ZBBX: variants seen among roughly 807,000 people sequenced by gnomAD.
The protein encoded by ZBBX is zinc finger B-box domain-containing protein 1.
In ZBBX, 101 loss-of-function variants were observed where a neutral mutation model predicts 108.5. The observed-to-expected ratio is 0.93, with a 90% CI of 0.79 to 1.10. The LOEUF (loss-of-function observed/expected upper bound fraction) is 1.10. Among genes scored for constraint, ZBBX ranks in the 50% least tolerant of loss-of-function variants. The probability of loss-of-function intolerance (pLI) is 0.00; values close to 1 mark genes in which losing one functional copy is unlikely to be tolerated. For missense variants in ZBBX, 1,009 were observed against 941.4 expected (o/e 1.07, Z -0.94); for synonymous variants, 356 against 323.4 (o/e 1.10, Z -1.08).
intron 14 of ZBBX, 85 bp from the exon 15 acceptor site, chr3:167,315,914 A>T (rs1735373899): frequency 1.3e-6 from 1 of 781,282 alleles, no homozygotes; most frequent in South Asian, 2.1e-5. Context: ...TGATATTTGG[A>T]GTACATTTTT....
the ZBBX span, among the ~76,000 whole-genome samples, chr3:167,224,786 G>A: frequency 6.6e-6 from 1 of 151,766 alleles, no homozygotes; most frequent in Non-Finnish European, 1.5e-5. Flanking sequence ...TCTTGCAAAT[G>A]GCAGTACTAT....
chr3:167,379,354 T>C (rs1024950353), intron 2 of ZBBX, among the ~76,000 whole-genome samples: 7 of 152,174 alleles, frequency 4.6e-5, no homozygotes, highest in African/African-American at 1.7e-4. Context: ...ATAAAATAAT[T>C]GCAAGAATTA....
chr3:167,265,197 C>T lies in ZBBX; in HGVS notation c.2254+17041G>A, dbSNP rs149386422. 5.3e-4 allele frequency among the ~76,000 whole-genome samples: 80 copies of T among 152,254 alleles called. No homozygotes were observed. The East Asian group carries it at 0.014, about 26-fold the overall frequency. On this transcript the variant is annotated intron_variant, in intron 20 of 21. Transcript: ENST00000675490. ...ACAGCTGAGAATGTGCTGGGTCTCC[C>T]CTGAAGCCAGCACATCTTAGAGTCC... is the stretch of plus-strand genomic sequence containing the variant.
chr3:167,260,459 A>G (rs1724282864), intron 20 of ZBBX, among the ~76,000 whole-genome samples: 3 of 152,162 alleles, frequency 2.0e-5, no homozygotes, highest in African/African-American at 7.2e-5. Flanking sequence ...CTTCCTCAGA[A>G]CACCAATTAT....
chr3:167,358,249 G>A (rs1296800329), intron 8 of ZBBX, among the ~76,000 whole-genome samples: 1 of 151,622 alleles, frequency 6.6e-6, no homozygotes. Flanking sequence ...AAGCCTTGAG[G>A]ATACTATGCT....
In ZBBX at chr3:167,282,226, A is replaced by T. The variant is rs1276282021; in HGVS notation, c.2254+12T>A. On this transcript the variant is annotated intron_variant, in intron 20 of 21. Transcript: ENST00000675490. ...TTAGCATTATCTAAAGTGAAAAAAA[A>T]AATAGGATTACCTGCAAGAGATCTC... 1.3e-6 allele frequency: 2 copies of T among 1,593,292 alleles called. No homozygotes were observed. Among genetic ancestry groups the T allele is most frequent in the East Asian group, 2.2e-5 (1 of 44,704 alleles).
intron 6 of ZBBX, among the ~76,000 whole-genome samples, chr3:167,361,544 T>C (rs907267983): frequency 6.6e-6 from 1 of 152,156 alleles, no homozygotes; most frequent in East Asian, 1.9e-4. Context: ...TCTATATCTA[T>C]GGCTGTAGCA....
chr3:167,369,322 C>A (rs183634592), intron 4 of ZBBX, among the ~76,000 whole-genome samples: 12 of 152,310 alleles, frequency 7.9e-5, no homozygotes, highest in Non-Finnish European at 1.6e-4. Flanking sequence ...TTACTACAAT[C>A]AAGCAGTGTG....
the ZBBX span, among the ~76,000 whole-genome samples, chr3:167,181,438 A>T: frequency 1.3e-5 from 2 of 152,320 alleles, no homozygotes; most frequent in South Asian, 2.1e-4. Flanking sequence ...ACTAACTCCA[A>T]CTATGTTAAA....
At chr3:167,288,671 C>T (rs1339259779) in intron 19 of ZBBX, among the ~76,000 whole-genome samples, 196 bp downstream of exon 19, 1 of 152,112 alleles carries the variant, frequency 6.6e-6, no homozygotes, top group Non-Finnish European at 1.5e-5. Flanking sequence ...TAATTCATGC[C>T]TTTGGAAAAA....
upstream of ZBBX, among the ~76,000 whole-genome samples, chr3:167,382,433 A>T (rs995378631): frequency 2.0e-5 from 3 of 152,312 alleles, no homozygotes; most frequent in East Asian, 3.9e-4. Context: ...AACTATATCA[A>T]GAGCACAGTA....
the ZBBX span, among the ~76,000 whole-genome samples, chr3:167,198,463 GT>G: frequency 6.6e-6 from 1 of 152,078 alleles, no homozygotes; most frequent in East Asian, 1.9e-4. Context: ...ACTTTCACCT[GT>G]TAAATTTCTG....
intron 17 of ZBBX, among the ~76,000 whole-genome samples, chr3:167,304,257 C>T (rs1489992139): frequency 6.6e-6 from 1 of 152,168 alleles, no homozygotes; most frequent in Non-Finnish European, 1.5e-5. Context: ...GTCTGGCAGG[C>T]TTACTGCCCA....
At chr3:167,339,313 T>G (rs1740129073) in intron 9 of ZBBX, among the ~76,000 whole-genome samples, 1 of 152,130 alleles carries the variant, frequency 6.6e-6, no homozygotes, top group Non-Finnish European at 1.5e-5. Flanking sequence ...TTTCACTAAG[T>G]TAAGCCATCT....
chr3:167,318,591 T>C (rs2108302682), intron 12 of ZBBX, among the ~76,000 whole-genome samples: 1 of 152,092 alleles, frequency 6.6e-6, no homozygotes, highest in South Asian at 2.1e-4. Flanking sequence ...GGCATTAAAA[T>C]TTTGATAAAA....
the ZBBX span, among the ~76,000 whole-genome samples, chr3:167,183,546 CACAA>C: frequency 1.9e-4 from 29 of 152,314 alleles, no homozygotes; most frequent in East Asian, 5.2e-3. Flanking sequence ...AGCTGAGAGC[CACAA>C]ACAGAGTTTT....
chr3:167,363,832 T>C (rs1470340551), intron 6 of ZBBX, among the ~76,000 whole-genome samples: 1 of 152,140 alleles, frequency 6.6e-6, no homozygotes, highest in Non-Finnish European at 1.5e-5. Flanking sequence ...TCTTATTTAA[T>C]ATTGACACAA....
intron 10 of ZBBX, among the ~76,000 whole-genome samples, chr3:167,333,118 T>C (rs1464819817): frequency 6.6e-6 from 1 of 152,018 alleles, no homozygotes; most frequent in Non-Finnish European, 1.5e-5. Context: ...ACATTTTCTT[T>C]TATGTCTATG....
chr3:167,372,339 C>CT (rs1746289089), intron 4 of ZBBX, among the ~76,000 whole-genome samples: 1 of 152,204 alleles, frequency 6.6e-6, no homozygotes, highest in South Asian at 2.1e-4. Context: ...TCCCATACCC[C>CT]TGCAAGGTCA....
Sources: allele counts gnomAD v4.1 joint callset (sites outside exome capture counted in the v4.1 genomes callset), GRCh38; gene constraint gnomAD v4.1.1; transcripts MANE v1.5; gene names NCBI Gene and HGNC (gene_info 2026-07-23, HGNC 2026-07-21).